Variants in RFX3 observed in about 807,000 individuals in gnomAD.
The protein encoded by RFX3 is transcription factor RFX3.
RFX3 carries 14 observed loss-of-function variants against 98.6 expected under a neutral mutation model. The ratio of observed to expected loss-of-function variants is 0.14; its 90% CI spans 0.09 to 0.22. The LOEUF (loss-of-function observed/expected upper bound fraction) is 0.22, where lower values mean the gene tolerates loss of function less well. Among genes scored for constraint, RFX3 ranks in the 10% least tolerant of loss-of-function variants. The pLI, the probability that RFX3 is intolerant of heterozygous loss-of-function variation, is 1.00. For missense variants in RFX3, 639 were observed against 926.9 expected (o/e 0.69, Z 4.03); for synonymous variants, 383 against 328.4 (o/e 1.17, Z -1.80).
chr9:3,392,894 G>C (rs370076829), intron 2 of RFX3, among the ~76,000 whole-genome samples: 63 of 152,090 alleles, frequency 4.1e-4, no homozygotes, highest in Non-Finnish European at 6.5e-4. Flanking sequence ...GGCTGGATTT[G>C]AAAAGCATTT....
intron 1 of RFX3, among the ~76,000 whole-genome samples, chr9:3,503,883 T>C (rs1161856565): frequency 1.3e-5 from 2 of 151,828 alleles, no homozygotes; most frequent in South Asian, 4.1e-4. Flanking sequence ...ATAAGTAAAC[T>C]AAGGGTATAA....
chr9:3,419,367 T>C (rs1402942691), intron 1 of RFX3, among the ~76,000 whole-genome samples: 1 of 152,178 alleles, frequency 6.6e-6, no homozygotes, highest in Non-Finnish European at 1.5e-5. Context: ...CATGGGTCTC[T>C]TATATGTTTG....
At chr9:3,420,729 C>G in intron 1 of RFX3, 2 of 937,062 alleles carry the variant, frequency 2.1e-6, no homozygotes, top group Non-Finnish European at 2.5e-6. Flanking sequence ...CTATAAACCC[C>G]TGTATCCTTC....
intron 4 of RFX3, among the ~76,000 whole-genome samples, chr9:3,310,695 T>A (rs1385813137): frequency 6.6e-6 from 1 of 152,192 alleles, no homozygotes; most frequent in Admixed American, 6.5e-5. Flanking sequence ...CCTGAGACTA[T>A]GTGGGATTGA....
chr9:3,405,590 TA>T (rs1175982677), intron 1 of RFX3, among the ~76,000 whole-genome samples: 3 of 152,188 alleles, frequency 2.0e-5, no homozygotes, highest in Non-Finnish European at 4.4e-5. Context: ...CGGCATAAGA[TA>T]AAAGTGGTAA....
chr9:3,333,794 T>A (rs999877848), intron 3 of RFX3, among the ~76,000 whole-genome samples: 169 of 152,110 alleles, frequency 1.1e-3, no homozygotes, highest in African/African-American at 4.0e-3. Context: ...AGCAGGATGA[T>A]TCAGGATGCC....
At chr9:3,313,472 G>A (rs903758932) in intron 4 of RFX3, among the ~76,000 whole-genome samples, 9 of 152,328 alleles carry the variant, frequency 5.9e-5, no homozygotes, top group African/African-American at 1.9e-4. Context: ...CTCCTCCAAA[G>A]GAACGCAGCT....
chr9:3,265,679 T>C (rs563015858), intron 12 of RFX3, among the ~76,000 whole-genome samples: 7 of 152,276 alleles, frequency 4.6e-5, no homozygotes, highest in Non-Finnish European at 8.8e-5. Context: ...CTGAGATATA[T>C]TGATTAATTA....
chr9:3,429,646 C>T (rs946505753), intron 1 of RFX3, among the ~76,000 whole-genome samples: 2 of 152,166 alleles, frequency 1.3e-5, no homozygotes, highest in African/African-American at 4.8e-5. Context: ...TATATTCTGG[C>T]TTGCCTGAAC....
At chr9:3,262,299 G>A (rs922837038) in intron 13 of RFX3, among the ~76,000 whole-genome samples, 1 of 152,046 alleles carries the variant, frequency 6.6e-6, no homozygotes, top group African/African-American at 2.4e-5. Context: ...TTCTAACTTA[G>A]CTTTTAAAAT....
chr9:3,512,880 C>T (rs575889872), intron 1 of RFX3, among the ~76,000 whole-genome samples: 1 of 152,062 alleles, frequency 6.6e-6, no homozygotes, highest in South Asian at 2.1e-4. Context: ...CATTCAACTC[C>T]ACTTTTCAGT....
intron 4 of RFX3, among the ~76,000 whole-genome samples, chr9:3,305,161 A>T (rs534922663): frequency 6.6e-6 from 1 of 152,172 alleles, no homozygotes; most frequent in South Asian, 2.1e-4. Flanking sequence ...CATATTTGGG[A>T]AATGGCAAGA....
intron 2 of RFX3, among the ~76,000 whole-genome samples, chr9:3,352,741 G>A (rs1040800929): frequency 6.6e-6 from 1 of 152,056 alleles, no homozygotes; most frequent in Non-Finnish European, 1.5e-5. Context: ...TGATCCTTAA[G>A]AGAATGGACA....
chr9:3,380,554 G>T (rs559057192), intron 2 of RFX3, among the ~76,000 whole-genome samples: 5 of 152,288 alleles, frequency 3.3e-5, no homozygotes, highest in African/African-American at 1.2e-4. Context: ...CATATAGCTT[G>T]TAAGTGGCAG....
At chr9:3,515,312 A>G (rs1387361160) in intron 1 of RFX3, among the ~76,000 whole-genome samples, 1 of 152,224 alleles carries the variant, frequency 6.6e-6, no homozygotes, top group East Asian at 1.9e-4. Flanking sequence ...AGATATATAC[A>G]GATATATTGA....
At chr9:3,352,808 T>C (rs1474533921) in intron 2 of RFX3, among the ~76,000 whole-genome samples, 2 of 152,044 alleles carry the variant, frequency 1.3e-5, no homozygotes, top group Non-Finnish European at 2.9e-5. Flanking sequence ...ATTTTCCACA[T>C]TGCAGAACAG....
At position 3,438,963 on chromosome 9, in the gene RFX3, T is replaced by C. The variant is rs571130927; in HGVS notation, c.-8-43367A>G. Among the ~76,000 whole-genome samples, 7 of 152,090 alleles carry C rather than the reference T, an allele frequency of 4.6e-5. No individual in the cohort carries two copies. The South Asian group carries it at 1.5e-3, about 32-fold the overall frequency. ...CTGAAATTTAAAATGATTCAAGCTA[T>C]AACAGTATGTTATCTGCTCACAATT... On this transcript the variant is annotated intron_variant, in intron 1 of 16. Transcript: ENST00000617270.
intron 1 of RFX3, among the ~76,000 whole-genome samples, chr9:3,505,229 TG>T (rs1564186780): frequency 3.5e-4 from 25 of 71,722 alleles, no homozygotes; most frequent in Middle Eastern, 0.018. Flanking sequence ...TATTTATATA[TG>T]AATATATATT....
chr9:3,374,180 G>A (rs903357829), intron 2 of RFX3, among the ~76,000 whole-genome samples: 4 of 152,154 alleles, frequency 2.6e-5, no homozygotes, highest in African/African-American at 9.7e-5. Flanking sequence ...GAAAATAAGT[G>A]TTGGTGAGGG....
Sources: gnomAD v4.1 joint callset for allele counts (sites outside exome capture counted in the v4.1 genomes callset) on GRCh38, gnomAD v4.1.1 for gene constraint, MANE v1.5 for transcripts, NCBI Gene and HGNC (gene_info 2026-07-23, HGNC 2026-07-21) for gene names.